ACIN1: variants seen among roughly 807,000 people sequenced by gnomAD.
The protein encoded by ACIN1 is apoptotic chromatin condensation inducer in the nucleus.
A neutral mutation model predicts 146.6 loss-of-function variants in ACIN1; 16 were observed. That is an observed-to-expected ratio of 0.11 (90% CI 0.07 to 0.17). ACIN1 has a LOEUF of 0.17. ACIN1 is among the 10% of genes least tolerant of loss of function. The pLI is 1.00. For synonymous variants in ACIN1, 569 were observed against 582.7 expected, an observed-to-expected ratio of 0.98 and a Z score of 0.34; for missense variants, 1,357 against 1,609.3, an observed-to-expected ratio of 0.84 and a Z score of 2.68.
At chr14:23,074,406 A>G (rs566150413) in intron 8 of ACIN1, among the ~76,000 whole-genome samples, 58 of 151,968 alleles carry the variant, frequency 3.8e-4, no homozygotes, top group Non-Finnish European at 6.8e-4. Flanking sequence ...TCTCTATTAA[A>G]AATAGAAAAA....
At chr14:23,088,101 T>C (rs1311207135) in intron 4 of ACIN1, among the ~76,000 whole-genome samples, 1 of 152,226 alleles carries the variant, frequency 6.6e-6, no homozygotes, top group Non-Finnish European at 1.5e-5. Flanking sequence ...CTTTATGCTG[T>C]GCTAACTCCC....
chr14:23,070,089 A>C (rs2047584844), intron 8 of ACIN1, among the ~76,000 whole-genome samples: 1 of 151,938 alleles, frequency 6.6e-6, no homozygotes, highest in Non-Finnish European at 1.5e-5. Flanking sequence ...ACAAGAAAGA[A>C]TGGCCAAGGC....
intron 18 of ACIN1, among the ~76,000 whole-genome samples, 200 bp downstream of exon 18, chr14:23,060,884 C>T (rs1042643988): frequency 2.0e-5 from 3 of 152,214 alleles, no homozygotes; most frequent in African/African-American, 4.8e-5. Context: ...CTGCTATCTG[C>T]GTGTCTATCT....
upstream of ACIN1, chr14:23,095,174 C>A (rs1292754718): frequency 1.9e-6 from 3 of 1,614,242 alleles, no homozygotes. Flanking sequence ...TTTCCGCCAA[C>A]GCCCTTCGAA....
rs1348179368 is a variant in ACIN1, at chr14:23,061,516, G to A, written c.3206C>T (p.Pro1069Leu). 14 of 1,609,704 alleles carry A rather than the reference G, an allele frequency of 8.7e-6. No individual in the cohort carries two copies. Among genetic ancestry groups the A allele is most frequent in the Non-Finnish European group, 1.2e-5 (14 of 1,178,932 alleles). ...CTGCTCTGCCCGGGGGTGCTGTGGT[G>A]GCTGGACCGGGGGTGGGGGTGGGGG... ...LHPPPPPPVQ[P>L]PQHPRAEQRE... The change falls in exon 17 of 19, where the codon CCA (proline) becomes CTA (leucine). Residue 1069 changes from proline (P) to leucine (L), a missense_variant. Physicochemically the swap from Pro to Leu is moderately conservative, Grantham distance 98. This residue lies in a region of ACIN1 where 509 missense variants were observed against 719.6 expected (regional missense o/e 0.71). Coordinates refer to ENST00000605057, the MANE Select transcript of ACIN1 (RefSeq NM_001386863.1).
Position 23,071,636 on chromosome 14 carries a change from G to A in ACIN1, c.2124-2019C>T. On this transcript the variant is annotated intron_variant, in intron 8 of 18. Coordinates refer to ENST00000605057, the MANE Select transcript of ACIN1 (RefSeq NM_001386863.1). Reference sequence around the variant, plus strand: ...AGGGGAGGGGAAAGAAAAGAGGGAGGGAGCTGAGTGAGCAAGGTTCTTATC... The same window carrying A: ...AGGGGAGGGGAAAGAAAAGAGGGAGAGAGCTGAGTGAGCAAGGTTCTTATC... 5 of 1,352,530 alleles carry A rather than the reference G, an allele frequency of 3.7e-6. No individual in the cohort carries two copies. The South Asian group carries it at 4.2e-5, about 11-fold the overall frequency. 83.8% of individuals were successfully genotyped at this position (1,352,530 alleles called of 1,614,324 possible). A position where few individuals can be genotyped will look rare whatever the true frequency, so the allele number is the denominator to read the frequency against.
intron 8 of ACIN1, chr14:23,071,131 T>A: frequency 6.4e-7 from 1 of 1,551,832 alleles, no homozygotes; most frequent in Non-Finnish European, 8.7e-7. Context: ...TCACCCTTCT[T>A]TGCTTTCTGA....
At chr14:23,069,209 AT>A (rs1419320818) in intron 9 of ACIN1, 9 of 1,167,108 alleles carry the variant, frequency 7.7e-6, no homozygotes, top group Non-Finnish European at 9.5e-6. Context: ...AAGGGCCATT[AT>A]CAGACTTTCC....
chr14:23,060,211 C>T lies in ACIN1; in HGVS notation c.3526-737G>A, dbSNP rs144470733. ...GGCTTAGATGGAGGCTTAGATGATC[C>T]GCCCACCTCAGCCTCCCAAAGTGCT... On this transcript the variant is annotated intron_variant, in intron 18 of 18. Transcript: ENST00000605057. Among the ~76,000 whole-genome samples, 302 of 152,038 alleles carry T rather than the reference C, an allele frequency of 2.0e-3. 1 individual carries two copies. Among genetic ancestry groups the T allele is most frequent in the Admixed American group, 0.014 (209 of 15,264 alleles).
At position 23,059,171 on chromosome 14, in the gene ACIN1, G is replaced by A; in HGVS notation, c.3829C>T (p.Arg1277Trp). 2.5e-6 allele frequency: 4 copies of A among 1,613,922 alleles called. No individual in the cohort carries two copies. Among genetic ancestry groups the A allele is most frequent in the South Asian group, 2.2e-5 (2 of 91,056 alleles). Residue 1277 changes from arginine (R) to tryptophan (W), a missense_variant, in exon 19 of 19, where the codon CGG (arginine) becomes TGG (tryptophan). Arg to Trp is a moderately radical substitution (Grantham distance 101). Around this residue, in one of 4 missense-constraint regions of ACIN1, gnomAD observed 509 missense variants for 719.6 expected, o/e 0.71. Coordinates refer to ENST00000605057, the MANE Select transcript of ACIN1 (RefSeq NM_001386863.1). ...AGCTAGCGGCGCCCACCCCGGTCCC[G>A]CACAGGTGTGCTCCGACTCCGGCTT... ...SRSRSRSTPVRDRGGRR is the reference protein window; with the variant it reads ...SRSRSRSTPVWDRGGRR
chr14:23,059,265 A>T lies in ACIN1; in HGVS notation c.3735T>A (p.Asp1245Glu), dbSNP rs754339244. ...GTTCTCGGTCCCTTTCCCTATCCCG[A>T]TCTCGGTCCCCCCTGTCCCGCTCCC... is the stretch of plus-strand genomic sequence containing the variant. ...RERERDRGDR[D>E]RDRERDRERG... Residue 1245 changes from aspartate to glutamate, a missense_variant, in exon 19 of 19, where the codon GAT (aspartate) becomes GAA (glutamate). Physicochemically the swap from Asp to Glu is conservative, Grantham distance 45. Transcript: ENST00000605057. The T allele has an allele frequency of 6.2e-7, 1 of 1,605,480 alleles. No homozygotes were observed. Among genetic ancestry groups the T allele is most frequent in the Non-Finnish European group, 8.5e-7 (1 of 1,175,364 alleles).
rs756288275 is a variant in ACIN1, at chr14:23,061,536, TG to T, written c.3185del (p.Pro1062HisfsTer110). ...EQGIPRPLHP[P>X]PPPPVQPPQH... ...GTGGTGGCTGGACCGGGGGTGGGGG[TG>T]GGGGGTGCAGGGGCCGTGGTATTCC... On this transcript the variant is annotated frameshift_variant, in exon 17 of 19. Coordinates refer to ENST00000605057, the MANE Select transcript of ACIN1 (RefSeq NM_001386863.1). LOFTEE classifies it high-confidence loss of function. The T allele has an allele frequency of 4.2e-6, 1 of 237,514 alleles. No individual in the cohort carries two copies. The allele number at this position is 237,514 out of a possible 1,614,324, so 14.7% of individuals were successfully genotyped here. A position where few individuals can be genotyped will look rare whatever the true frequency, so the allele number is the denominator to read the frequency against.
At chr14:23,086,838 T>C (rs1444470367) in intron 4 of ACIN1, among the ~76,000 whole-genome samples, 1 of 152,160 alleles carries the variant, frequency 6.6e-6, no homozygotes, top group Non-Finnish European at 1.5e-5. Flanking sequence ...GATGCTGGAA[T>C]ATAAACCAAA....
At chr14:23,062,596 T>C in intron 14 of ACIN1, 73 bp from the exon 15 acceptor site, 2 of 1,389,972 alleles carry the variant, frequency 1.4e-6, no homozygotes, top group Non-Finnish European at 2.0e-6. Context: ...TTTCCCGAGC[T>C]GCTGTCACAG....
At chr14:23,072,528 A>G (rs1375668744) in intron 8 of ACIN1, among the ~76,000 whole-genome samples, 2 of 152,238 alleles carry the variant, frequency 1.3e-5, no homozygotes, top group Non-Finnish European at 2.9e-5. Context: ...TCACTAGACC[A>G]AAGTGGGAAA....
chr14:23,090,241 A>G, intron 3 of ACIN1, 140 bp from the exon 4 acceptor site: 1 of 1,188,284 alleles, frequency 8.4e-7, no homozygotes, highest in Non-Finnish European at 1.1e-6. Flanking sequence ...AAAAGAAAAA[A>G]CTCCCTGGGA....
intron 2 of ACIN1, among the ~76,000 whole-genome samples, chr14:23,091,106 T>C (rs117069221): frequency 0.045 from 6,789 of 152,134 alleles, 193 homozygotes; most frequent in East Asian, 0.13. Flanking sequence ...GGTTTCACTA[T>C]GTTGGTCAGA....
intron 1 of ACIN1, 102 bp from the exon 2 acceptor site, chr14:23,093,646 A>G: frequency 1.1e-6 from 1 of 939,446 alleles, no homozygotes; most frequent in South Asian, 1.4e-5. Flanking sequence ...TGACTTAAAT[A>G]CACACAATTA....
Position 23,061,626 on chromosome 14 carries a change from TG to T in ACIN1, c.3100-5del. 1 of 1,523,820 alleles carries T rather than the reference TG, an allele frequency of 6.6e-7. No individual in the cohort carries two copies. The allele number at this position is 1,523,820 out of a possible 1,614,324, so 94.4% of individuals were successfully genotyped here. On this transcript the variant is annotated splice_region_variant and splice_polypyrimidine_tract_variant and intron_variant, in intron 16 of 18. Coordinates refer to ENST00000605057, the MANE Select transcript of ACIN1 (RefSeq NM_001386863.1). ...AGAGGCCTCGGTGATAATCCAGCTGTGGGGAGAGGAGGGACAAGGACAGTTA... is the reference window on the plus strand; with the variant it reads ...AGAGGCCTCGGTGATAATCCAGCTGTGGGAGAGGAGGGACAAGGACAGTTA...
Sources: allele counts gnomAD v4.1 joint callset (sites outside exome capture counted in the v4.1 genomes callset), GRCh38; gene constraint gnomAD v4.1.1; regional missense constraint gnomAD v4.1.1; transcripts MANE v1.5; gene names NCBI Gene and HGNC (gene_info 2026-07-23, HGNC 2026-07-21).